MTOR: variants seen among roughly 807,000 people sequenced by gnomAD.
MTOR encodes the protein mechanistic target of rapamycin kinase.
Under a neutral mutation model 319.8 loss-of-function variants are expected in MTOR, and 70 were observed. That is an observed-to-expected ratio of 0.22 (90% CI 0.18 to 0.27). The LOEUF (loss-of-function observed/expected upper bound fraction) is 0.27. Ranked by LOEUF, MTOR falls within the 10% of genes least tolerant of loss-of-function variation. The pLI is 1.00. For missense variants in MTOR, 1,890 were observed against 3,274.4 expected, an observed-to-expected ratio of 0.58 and a Z score of 10.32; for synonymous variants, 1,183 against 1,211.4, an observed-to-expected ratio of 0.98 and a Z score of 0.49.
At chr1:11,255,749 G>A (rs1046210197) in intron 5 of MTOR, among the ~76,000 whole-genome samples, 5 of 151,760 alleles carry the variant, frequency 3.3e-5, no homozygotes, top group African/African-American at 1.2e-4. Flanking sequence ...GGAGGCTAAG[G>A]TGGGAGAAAA....
intron 1 of MTOR, 66 bp from the exon 2 acceptor site, chr1:11,259,489 C>G: frequency 6.7e-7 from 1 of 1,486,204 alleles, no homozygotes. Context: ...ACTTATGGCC[C>G]TGGTCACCCA....
rs557366704 is a variant in MTOR at position 11,165,447 on chromosome 1, A to G, written c.4329+1995T>C. The stretch of plus-strand genomic sequence containing the variant: ...AAATCACAAGCATTCTTATACACCA[A>G]TAACAGACAAACAGAGAGCCAAATC... On this transcript the variant is annotated intron_variant, in intron 29 of 57. Transcript: ENST00000361445. Among the ~76,000 whole-genome samples the G allele has an allele frequency of 8.0e-3, 1,215 of 152,216 alleles. 20 individuals carry two copies. Among genetic ancestry groups the G allele is most frequent in the African/African-American group, 0.027 (1,123 of 41,518 alleles).
intron 15 of MTOR, 152 bp downstream of exon 15, chr1:11,233,246 C>T: frequency 4.9e-6 from 4 of 819,116 alleles, no homozygotes; most frequent in Non-Finnish European, 7.9e-6. Context: ...TATTATTTCT[C>T]TCTGAATCTG....
chr1:11,218,102 TCCCC>T (rs1396662940), intron 19 of MTOR, among the ~76,000 whole-genome samples: 2 of 152,166 alleles, frequency 1.3e-5, no homozygotes, highest in East Asian at 3.9e-4. Context: ...TTGTAGTGAT[TCCCC>T]ATACAAATAT....
At chr1:11,155,794 G>A (rs1018239401) in intron 30 of MTOR, among the ~76,000 whole-genome samples, 2 of 152,132 alleles carry the variant, frequency 1.3e-5, no homozygotes, top group Non-Finnish European at 2.9e-5. Flanking sequence ...GCTCTGGGAA[G>A]GCAGGGGCTG....
At chr1:11,147,185 G>A (rs1376010918) in intron 31 of MTOR, among the ~76,000 whole-genome samples, 1 of 152,152 alleles carries the variant, frequency 6.6e-6, no homozygotes, top group Non-Finnish European at 1.5e-5. Context: ...ACAGTTCAAT[G>A]GTATGTTGGG....
At chr1:11,205,355 G>A (rs1646104394) in intron 25 of MTOR, among the ~76,000 whole-genome samples, 1 of 152,114 alleles carries the variant, frequency 6.6e-6, no homozygotes, top group East Asian at 1.9e-4. Context: ...TTGACTCAAT[G>A]GCTTCAGTTC....
intron 29 of MTOR, among the ~76,000 whole-genome samples, chr1:11,165,570 A>G (rs910446342): frequency 4.6e-5 from 7 of 152,084 alleles, no homozygotes; most frequent in African/African-American, 1.2e-4. Flanking sequence ...GAGAACTACA[A>G]ACCACTGCTC....
chr1:11,167,829 G>A (rs1644693687), intron 28 of MTOR, among the ~76,000 whole-genome samples: 1 of 152,174 alleles, frequency 6.6e-6, no homozygotes, highest in South Asian at 2.1e-4. Flanking sequence ...CAGCACTTTG[G>A]GAGGCTGAGG....
Position 11,210,905 on chromosome 1 carries a change from T to A in MTOR, c.3563A>T (p.Tyr1188Phe). Residue 1188 changes from tyrosine to phenylalanine, a missense_variant and splice_region_variant, in exon 24 of 58, where the codon TAC becomes TTC. By Grantham distance (22) the Tyr-to-Phe change is conservative. Coordinates refer to ENST00000361445, the MANE Select transcript of MTOR (RefSeq NM_004958.4). ...SSLVFQLGKK[Y>F]QIFIPMVNKV... Reference sequence around the variant, plus strand: ...ATTCACCATTGGAATGAAAATTTGGTACTAAAACAGGAGGGGGAAGAGATG... The same window carrying A: ...ATTCACCATTGGAATGAAAATTTGGAACTAAAACAGGAGGGGGAAGAGATG... The A allele has an allele frequency of 6.2e-7, 1 of 1,605,412 alleles. No individual in the cohort carries two copies. Among genetic ancestry groups the A allele is most frequent in the South Asian group, 1.1e-5 (1 of 90,266 alleles).
chr1:11,230,238 T>C (rs970809096), intron 18 of MTOR, among the ~76,000 whole-genome samples: 1 of 151,992 alleles, frequency 6.6e-6, no homozygotes, highest in Non-Finnish European at 1.5e-5. Flanking sequence ...CAGGCCAACA[T>C]GGCAAAACCC....
At chr1:11,181,342 G>A (rs1645139617) in intron 28 of MTOR, among the ~76,000 whole-genome samples, 1 of 152,000 alleles carries the variant, frequency 6.6e-6, no homozygotes. Flanking sequence ...CAATAAGGAA[G>A]CTACCTCAAG....
Position 11,208,665 on chromosome 1 carries a change from GCT to G in MTOR, c.3801+645_3801+646del, listed in dbSNP as rs200458436. Among the ~76,000 whole-genome samples the G allele has an allele frequency of 6.1e-3, 922 of 152,362 alleles. 10 individuals are homozygous for G. The highest frequency in any genetic ancestry group is 0.021 in the African/African-American group (868 of 41,576). On this transcript the variant is annotated intron_variant, in intron 25 of 57. Coordinates refer to ENST00000361445, the MANE Select transcript of MTOR (RefSeq NM_004958.4). ...TTGGTGAAGTAATTATGATTATTGT[GCT>G]CTGATTCACTAGAGATGCTTTGAAA...
At chr1:11,251,984 A>G (rs1396994454) in intron 6 of MTOR, among the ~76,000 whole-genome samples, 1 of 152,166 alleles carries the variant, frequency 6.6e-6, no homozygotes, top group Non-Finnish European at 1.5e-5. Context: ...CCATTTATAG[A>G]ATGCCCACTA....
chr1:11,219,817 A>C (rs972923988), intron 19 of MTOR, among the ~76,000 whole-genome samples: 1 of 151,932 alleles, frequency 6.6e-6, no homozygotes, highest in African/African-American at 2.4e-5. Flanking sequence ...TGAGGACAGG[A>C]GTTCAAGACC....
intron 28 of MTOR, among the ~76,000 whole-genome samples, chr1:11,168,934 G>GATT (rs1397178191): frequency 6.6e-6 from 1 of 152,162 alleles, no homozygotes; most frequent in African/African-American, 2.4e-5. Context: ...AGACCACAAT[G>GATT]ATTATATCTG....
At position 11,240,454 on chromosome 1, in the gene MTOR, C is replaced by T. The variant is rs1480416148; in HGVS notation, c.1635G>A (p.Leu545=). ...IQDGLLKMLS[L]VLMHKPLRHP... is the part of the protein sequence containing the mutation. Reference sequence around the variant, plus strand: ...GGCGAAGGGGTTTGTGCATAAGGACCAGGGACAGCATTTTCAGTAGCCCAT... The same window carrying T: ...GGCGAAGGGGTTTGTGCATAAGGACTAGGGACAGCATTTTCAGTAGCCCAT... Residue 545 remains leucine, a synonymous_variant, in exon 11 of 58, where the codon CTG becomes CTA. Transcript: ENST00000361445. 2 of 1,614,218 alleles carry T rather than the reference C, an allele frequency of 1.2e-6. No homozygotes were observed. The highest frequency in any genetic ancestry group is 2.7e-5 in the African/African-American group (2 of 75,052).
chr1:11,232,820 A>C, intron 15 of MTOR: 2 of 509,920 alleles, frequency 3.9e-6, no homozygotes, highest in South Asian at 4.7e-5. Context: ...GGTTGCAGTG[A>C]GCCAAGATCA....
Position 11,212,746 on chromosome 1 carries a change from A to G in MTOR, c.3398+50T>C. 6.8e-7 allele frequency: 1 copy of G among 1,473,586 alleles called. No homozygotes were observed. The highest frequency in any genetic ancestry group is 9.4e-7 in the Non-Finnish European group (1 of 1,058,960). 91.3% of individuals were successfully genotyped at this position (1,473,586 alleles called of 1,614,324 possible). ...GGAACTTAAGAAATGAACATTTTCA[A>G]CAAAACATTAAAGCTTAAAGATTGC... On this transcript the variant is annotated intron_variant, in intron 22 of 57. Transcript: ENST00000361445. The surrounding 1 kb of genome is among the most constrained non-coding windows in gnomAD (Gnocchi z 4.1).
Sources: allele counts gnomAD v4.1 joint callset (sites outside exome capture counted in the v4.1 genomes callset), GRCh38; gene constraint gnomAD v4.1.1; non-coding constraint Gnocchi (gnomAD v3.1); transcripts MANE v1.5; gene names NCBI Gene and HGNC (gene_info 2026-07-23, HGNC 2026-07-21).